B3GALT1: variants seen among roughly 807,000 people sequenced by gnomAD.
B3GALT1 encodes beta-1,3-galactosyltransferase 1.
A neutral mutation model predicts 23.2 loss-of-function variants in B3GALT1; 10 were observed. The observed-to-expected ratio is 0.43, with a 90% CI of 0.27 to 0.73. The LOEUF is 0.73. Ranked by LOEUF, B3GALT1 falls within the 30% of genes least tolerant of loss-of-function variation. B3GALT1 has a pLI of 0.21. For missense variants in B3GALT1, 299 were observed against 405.4 expected, an observed-to-expected ratio of 0.74 and a Z score of 2.25; for synonymous variants, 156 against 141.5, an observed-to-expected ratio of 1.10 and a Z score of -0.73.
chr2:167,648,169 A>G lies in B3GALT1; in HGVS notation c.-352+1203A>G, dbSNP rs181984213. Among the ~76,000 whole-genome samples the G allele has an allele frequency of 2.2e-3, 334 of 152,230 alleles. 4 individuals are homozygous for G. Among genetic ancestry groups the G allele is most frequent in the Middle Eastern group, 3.4e-3 (1 of 294 alleles). ...AAACCTCCTGAACAGTCATCTCCCT[A>G]TTATGATATCTCAAATTTTCAGTTC... On this transcript the variant is annotated intron_variant, in intron 3 of 4. Coordinates refer to ENST00000392690, the MANE Select transcript of B3GALT1 (RefSeq NM_020981.4).
At chr2:167,592,800 A>T (rs1684707404) in intron 2 of B3GALT1, among the ~76,000 whole-genome samples, 1 of 152,198 alleles carries the variant, frequency 6.6e-6, no homozygotes, top group Non-Finnish European at 1.5e-5. Context: ...CTTATCCTGG[A>T]AAAAGACATT....
chr2:167,547,706 A>G (rs2105378121), intron 2 of B3GALT1, among the ~76,000 whole-genome samples: 1 of 151,934 alleles, frequency 6.6e-6, no homozygotes, highest in East Asian at 1.9e-4. Context: ...AAAAAAAAAA[A>G]AAAAAAAGAA....
chr2:167,762,591 A>T (rs923348842), intron 3 of B3GALT1, among the ~76,000 whole-genome samples: 1 of 151,986 alleles, frequency 6.6e-6, no homozygotes, highest in Non-Finnish European at 1.5e-5. Context: ...AAAAAAAAAA[A>T]AAAAACACTA....
At chr2:167,643,538 G>T (rs995998898) in intron 2 of B3GALT1, among the ~76,000 whole-genome samples, 2 of 152,162 alleles carry the variant, frequency 1.3e-5, no homozygotes, top group Non-Finnish European at 2.9e-5. Flanking sequence ...TTGAATTTGG[G>T]ATGCTGACCC....
intron 3 of B3GALT1, among the ~76,000 whole-genome samples, chr2:167,719,588 G>A (rs1428738130): frequency 6.6e-6 from 1 of 152,228 alleles, no homozygotes; most frequent in African/African-American, 2.4e-5. Context: ...CTTTGTTTGA[G>A]AGGCTTGATT....
intron 1 of B3GALT1, among the ~76,000 whole-genome samples, chr2:167,342,038 G>C (rs569577070): frequency 9.2e-5 from 14 of 152,066 alleles, no homozygotes; most frequent in Non-Finnish European, 1.9e-4. Context: ...TGGTCAAGCC[G>C]CATAAAAATT....
chr2:167,297,395 T>TA (rs57035238), intron 1 of B3GALT1, among the ~76,000 whole-genome samples: 12,734 of 143,968 alleles, frequency 0.088, 702 homozygotes, highest in East Asian at 0.17. Flanking sequence ...AAAAACTGAT[T>TA]AAAAAAAAAA....
intron 3 of B3GALT1, among the ~76,000 whole-genome samples, chr2:167,786,389 C>G (rs901580183): frequency 6.6e-6 from 1 of 152,248 alleles, no homozygotes; most frequent in East Asian, 1.9e-4. Context: ...GAGAGTGGTG[C>G]TTTGGTAGCT....
At chr2:167,387,007 A>G (rs982307851) in intron 1 of B3GALT1, among the ~76,000 whole-genome samples, 2 of 148,200 alleles carry the variant, frequency 1.3e-5, no homozygotes, top group African/African-American at 2.6e-5. Flanking sequence ...ACTGGTAGGT[A>G]GTCTCATCAT....
chr2:167,458,077 A>G (rs1022300693), intron 1 of B3GALT1, among the ~76,000 whole-genome samples: 2 of 152,116 alleles, frequency 1.3e-5, no homozygotes, highest in African/African-American at 4.8e-5. Flanking sequence ...TTACTCTTTC[A>G]TCCTGTAAAC....
At chr2:167,622,473 C>A (rs772651962) in intron 2 of B3GALT1, among the ~76,000 whole-genome samples, 2 of 151,978 alleles carry the variant, frequency 1.3e-5, no homozygotes, top group African/African-American at 2.4e-5. Context: ...TATATGATGC[C>A]ACCATCTAAT....
rs188102171 is a variant in B3GALT1 at position 167,334,355 on chromosome 2, A to T, written c.-511+41021A>T. On this transcript the variant is annotated intron_variant, in intron 1 of 4. Coordinates refer to ENST00000392690, the MANE Select transcript of B3GALT1 (RefSeq NM_020981.4). ...AAAAGGACTCTATTCACTTTTAAAT[A>T]GTCCCTGCAAGGTGGTTTAACCATG... Among the ~76,000 whole-genome samples, 6 of 152,302 alleles carry T rather than the reference A, an allele frequency of 3.9e-5. No individual in the cohort carries two copies. In the East Asian group the frequency reaches 1.2e-3, roughly 29 times the overall value.
chr2:167,565,987 C>A lies in B3GALT1; in HGVS notation c.-410+75710C>A, dbSNP rs965317503. Among the ~76,000 whole-genome samples the A allele has an allele frequency of 1.2e-4, 19 of 152,138 alleles. No individual in the cohort carries two copies. The South Asian group carries it at 1.5e-3, about 12-fold the overall frequency. On this transcript the variant is annotated intron_variant, in intron 2 of 4. Coordinates refer to ENST00000392690, the MANE Select transcript of B3GALT1 (RefSeq NM_020981.4). Reference sequence around the variant, plus strand: ...AACTAGAAATACCATTTGACCCAGCCATCCCATGACTGGGTATATACCCAA... The same window carrying A: ...AACTAGAAATACCATTTGACCCAGCAATCCCATGACTGGGTATATACCCAA...
chr2:167,505,101 T>G (rs527381522), intron 2 of B3GALT1, among the ~76,000 whole-genome samples: 2 of 152,274 alleles, frequency 1.3e-5, no homozygotes, highest in East Asian at 3.9e-4. Context: ...GTATAATAAA[T>G]ACAAAGGAAT....
intron 1 of B3GALT1, among the ~76,000 whole-genome samples, chr2:167,358,128 G>C (rs79611853): frequency 0.031 from 4,767 of 152,242 alleles, 88 homozygotes; most frequent in Non-Finnish European, 0.046. Flanking sequence ...TGATCACCTG[G>C]ATTAATTCTT....
intron 2 of B3GALT1, among the ~76,000 whole-genome samples, chr2:167,517,290 G>T (rs1700112184): frequency 6.6e-6 from 1 of 151,800 alleles, no homozygotes; most frequent in East Asian, 1.9e-4. Context: ...AGGGCTAAAA[G>T]ATTAGTAGCA....
intron 1 of B3GALT1, among the ~76,000 whole-genome samples, chr2:167,377,036 T>G (rs1697776734): frequency 6.6e-6 from 1 of 152,064 alleles, no homozygotes; most frequent in Non-Finnish European, 1.5e-5. Context: ...TTCAAAATGT[T>G]GTGTCTCTGT....
chr2:167,763,604 T>A (rs971131294), intron 3 of B3GALT1, among the ~76,000 whole-genome samples: 1 of 143,346 alleles, frequency 7.0e-6, no homozygotes, highest in South Asian at 2.3e-4. Flanking sequence ...GGCATGAGAA[T>A]CACTTGAGCC....
intron 3 of B3GALT1, among the ~76,000 whole-genome samples, chr2:167,731,580 CTA>C (rs1221653045): frequency 6.6e-6 from 1 of 152,196 alleles, no homozygotes; most frequent in African/African-American, 2.4e-5. Context: ...TACTACCAGT[CTA>C]TCTTTTCCCA....
Sources: allele counts gnomAD v4.1 joint callset (sites outside exome capture counted in the v4.1 genomes callset), GRCh38; gene constraint gnomAD v4.1.1; transcripts MANE v1.5; gene names NCBI Gene and HGNC (gene_info 2026-07-23, HGNC 2026-07-21).